Variants in TMEM245 observed in about 807,000 individuals in gnomAD.
The protein encoded by TMEM245 is transmembrane protein 245.
TMEM245 carries 69 observed loss-of-function variants against 101.2 expected under a neutral mutation model. That is an observed-to-expected ratio of 0.68 (90% confidence interval 0.56 to 0.83). The LOEUF (loss-of-function observed/expected upper bound fraction) is 0.83, where lower values mean the gene tolerates loss of function less well. Ranked by LOEUF, TMEM245 falls within the 40% of genes least tolerant of loss-of-function variation. The pLI is 0.00. For missense variants in TMEM245, 1,075 were observed against 1,092.8 expected (o/e 0.98, Z 0.23); for synonymous variants, 537 against 449.8 (o/e 1.19, Z -2.45).
chr9:109,077,145 C>T (rs902176963), intron 8 of TMEM245, among the ~76,000 whole-genome samples: 3 of 151,380 alleles, frequency 2.0e-5, no homozygotes, highest in African/African-American at 7.3e-5. Context: ...CGTTTTTTGG[C>T]GTGTTTCGTT....
At chr9:109,091,952 C>T (rs1830018307) in intron 4 of TMEM245, among the ~76,000 whole-genome samples, 1 of 151,972 alleles carries the variant, frequency 6.6e-6, no homozygotes, top group Non-Finnish European at 1.5e-5. Context: ...ATGTTAATTA[C>T]AAAAGTATGT....
intron 3 of TMEM245, among the ~76,000 whole-genome samples, chr9:109,097,921 AAAATAAAT>A (rs761665076): frequency 6.6e-6 from 1 of 152,180 alleles, no homozygotes; most frequent in African/African-American, 2.4e-5. Context: ...TCCGTCTTGA[AAAATAAAT>A]AAATAAAGTT....
At chr9:109,073,963 C>A (rs530410507) in intron 8 of TMEM245, among the ~76,000 whole-genome samples, 1 of 149,546 alleles carries the variant, frequency 6.7e-6, no homozygotes, top group Non-Finnish European at 1.5e-5. Context: ...CACGTTCAAG[C>A]GATTCTCGTG....
At chr9:109,022,246 C>T (rs545835579) in intron 17 of TMEM245, among the ~76,000 whole-genome samples, 6 of 152,294 alleles carry the variant, frequency 3.9e-5, no homozygotes, top group East Asian at 1.9e-4. Context: ...CTCTGAAGCA[C>T]GCCTCTACTA....
intron 16 of TMEM245, 26 bp from the exon 17 acceptor site, chr9:109,033,527 C>T: frequency 2.0e-6 from 3 of 1,536,658 alleles, no homozygotes; most frequent in South Asian, 2.5e-5. Context: ...CGACCTTTAA[C>T]ACACAAAAAC....
chr9:109,111,712 C>T (rs1265101597), intron 1 of TMEM245, among the ~76,000 whole-genome samples: 3 of 152,106 alleles, frequency 2.0e-5, no homozygotes, highest in Non-Finnish European at 4.4e-5. Flanking sequence ...TTAAATAATG[C>T]TATCTCCAAA....
At chr9:109,029,555 G>A (rs932922590) in intron 17 of TMEM245, among the ~76,000 whole-genome samples, 1 of 152,188 alleles carries the variant, frequency 6.6e-6, no homozygotes, top group East Asian at 1.9e-4. Context: ...TTTGACATTA[G>A]GAAAAGCTTT....
chr9:109,039,753 A>G (rs923868646), intron 14 of TMEM245, among the ~76,000 whole-genome samples: 1 of 152,160 alleles, frequency 6.6e-6, no homozygotes, highest in Non-Finnish European at 1.5e-5. Flanking sequence ...TTTCCGTAGT[A>G]GGAGGAAAAT....
At chr9:109,106,711 A>C in intron 2 of TMEM245, 102 bp from the exon 3 acceptor site, 2 of 710,016 alleles carry the variant, frequency 2.8e-6, no homozygotes, top group Non-Finnish European at 4.4e-6. Flanking sequence ...TGGTATATAT[A>C]TTAGTTACAG....
At chr9:109,083,901 CAAAAAAAAAAAAAAAAA>C (rs751739620) in intron 7 of TMEM245, among the ~76,000 whole-genome samples, 1 of 34,468 alleles carries the variant, frequency 2.9e-5, no homozygotes, top group Non-Finnish European at 5.0e-5. Flanking sequence ...ACTAAAAATA[CAAAAAAAAAAAAAAAAA>C]AAAAAAAAAA....
At chr9:109,039,061 AACGTGACCTTGT>A (rs1251423196) in intron 14 of TMEM245, 1 of 152,246 alleles carries the variant, frequency 6.6e-6, no homozygotes, top group East Asian at 1.9e-4. Context: ...GTTAGCGGCA[AACGTGACCTTGT>A]ACATGCAAAA....
At chr9:109,115,745 G>C (rs1273052155) in intron 1 of TMEM245, among the ~76,000 whole-genome samples, 1 of 151,874 alleles carries the variant, frequency 6.6e-6, no homozygotes, top group Non-Finnish European at 1.5e-5. Flanking sequence ...GGCCAGGCTG[G>C]TCTCGAACTC....
At chr9:109,116,080 G>C (rs1213877972) in intron 1 of TMEM245, among the ~76,000 whole-genome samples, 1 of 152,136 alleles carries the variant, frequency 6.6e-6, no homozygotes, top group Non-Finnish European at 1.5e-5. Context: ...CTAGTGCCTG[G>C]GACATGGCAG....
chr9:109,095,761 A>G (rs1830123727), intron 3 of TMEM245, among the ~76,000 whole-genome samples: 1 of 152,196 alleles, frequency 6.6e-6, no homozygotes, highest in African/African-American at 2.4e-5. Flanking sequence ...CAAGATACAG[A>G]ACAGCATCAT....
At chr9:109,090,270 A>G (rs12005939) in intron 5 of TMEM245, among the ~76,000 whole-genome samples, 115 of 152,024 alleles carry the variant, frequency 7.6e-4, no homozygotes, top group Non-Finnish European at 1.4e-3. Context: ...CAAAAAAAAA[A>G]CAAAAAATCA....
At chr9:109,097,393 T>G (rs944673854) in intron 3 of TMEM245, among the ~76,000 whole-genome samples, 12 of 151,574 alleles carry the variant, frequency 7.9e-5, no homozygotes, top group Non-Finnish European at 1.5e-5. Context: ...CAGAGGGAGG[T>G]TGGGACCAGG....
chr9:109,091,406 A>C (rs577942), intron 4 of TMEM245, among the ~76,000 whole-genome samples: 8 of 152,154 alleles, frequency 5.3e-5, no homozygotes, highest in Non-Finnish European at 1.0e-4. Flanking sequence ...ATTGGGAGTC[A>C]TTAAAACAAA....
rs1203190918 is a variant in TMEM245 at position 109,119,474 on chromosome 9, C to T, written c.440G>A (p.Arg147His). Reference protein sequence around the residue: ...ALGEQALRRRRLLLLLGAGGP... With the variant: ...ALGEQALRRRHLLLLLGAGGP... ...GCCGGCGCCGAGCAGCAGGAGCAGG[C>T]GGCGGCGGCGCAGCGCCTGCTCGCC... Residue 147 changes from arginine (R) to histidine (H), a missense_variant, in exon 1 of 18, where the codon CGC (arginine) becomes CAC (histidine). Physicochemically the swap from Arg to His is conservative, Grantham distance 29. Around this residue, in one of 2 missense-constraint regions of TMEM245, gnomAD observed 808 missense variants for 741.5 expected, o/e 1.09. Transcript: ENST00000374586. 1.3e-6 allele frequency: 2 copies of T among 1,484,162 alleles called. No individual in the cohort carries two copies. The highest frequency in any genetic ancestry group is 2.7e-5 in the East Asian group (1 of 37,012). The allele number at this position is 1,484,162 out of a possible 1,614,324, so 91.9% of individuals were successfully genotyped here.
chr9:109,051,495 C>T (rs1828683963), intron 12 of TMEM245, among the ~76,000 whole-genome samples: 1 of 152,130 alleles, frequency 6.6e-6, no homozygotes, highest in South Asian at 2.1e-4. Flanking sequence ...TAAAGCCTAG[C>T]ACACATATAG....
Sources: gnomAD v4.1 joint callset for allele counts (sites outside exome capture counted in the v4.1 genomes callset) on GRCh38, gnomAD v4.1.1 for gene constraint, gnomAD v4.1.1 regional missense constraint, MANE v1.5 for transcripts, NCBI Gene and HGNC (gene_info 2026-07-23, HGNC 2026-07-21) for gene names.